CACNA1E: variants seen among roughly 807,000 people sequenced by gnomAD.
The protein encoded by CACNA1E is calcium voltage-gated channel subunit alpha1 E.
A neutral mutation model predicts 259.2 loss-of-function variants in CACNA1E; 40 were observed. That is an observed-to-expected ratio of 0.15 (90% CI 0.12 to 0.20). The LOEUF is 0.20. CACNA1E is among the 10% of genes least tolerant of loss of function. The pLI, the probability that CACNA1E is intolerant of heterozygous loss-of-function variation, is 1.00. For missense variants in CACNA1E, 1,874 were observed against 3,040.1 expected (o/e 0.62, Z 9.02); for synonymous variants, 1,104 against 1,138.5 (o/e 0.97, Z 0.61).
chr1:181,480,635 A>G (rs1009605990), upstream of CACNA1E, among the ~76,000 whole-genome samples: 27 of 152,210 alleles, frequency 1.8e-4, no homozygotes, highest in African/African-American at 6.5e-4. Flanking sequence ...ATGTTCCAAG[A>G]ACTAAGTCTG....
At chr1:181,477,677 G>A (rs1662955633) in intron 2 of CACNA1E, among the ~76,000 whole-genome samples, 1 of 152,110 alleles carries the variant, frequency 6.6e-6, no homozygotes, top group Non-Finnish European at 1.5e-5. Context: ...AACAGAGTGT[G>A]TTCATCCCTG....
intron 3 of CACNA1E, among the ~76,000 whole-genome samples, chr1:181,546,082 C>CA (rs1647433850): frequency 6.6e-6 from 1 of 151,944 alleles, no homozygotes; most frequent in South Asian, 2.1e-4. Flanking sequence ...GAAGCTGCCC[C>CA]GACAGTCTTG....
chr1:181,526,679 G>T (rs1168114838), intron 3 of CACNA1E, among the ~76,000 whole-genome samples: 1 of 152,132 alleles, frequency 6.6e-6, no homozygotes, highest in African/African-American at 2.4e-5. Context: ...GGACAGCCTG[G>T]CAAGATGCAA....
intron 2 of CACNA1E, among the ~76,000 whole-genome samples, chr1:181,428,625 C>A (rs1369548138): frequency 6.6e-6 from 1 of 151,864 alleles, no homozygotes; most frequent in Non-Finnish European, 1.5e-5. Context: ...GCTCTTGGGC[C>A]CCAGTGGTGG....
intron 2 of CACNA1E, among the ~76,000 whole-genome samples, chr1:181,438,940 TGTG>T: frequency 6.6e-6 from 1 of 152,262 alleles, no homozygotes; most frequent in East Asian, 1.9e-4. Context: ...ATAGATAAAG[TGTG>T]GTGGAGCATC....
chr1:181,595,114 T>A (rs999096650), intron 6 of CACNA1E, among the ~76,000 whole-genome samples: 4 of 152,226 alleles, frequency 2.6e-5, no homozygotes, highest in African/African-American at 7.2e-5. Flanking sequence ...CATGACCTTT[T>A]CAAGTGTTTT....
chr1:181,409,997 C>T (rs1335477536), intron 1 of CACNA1E, among the ~76,000 whole-genome samples: 1 of 151,972 alleles, frequency 6.6e-6, no homozygotes, highest in African/African-American at 2.4e-5. Flanking sequence ...CTGGTGAGAG[C>T]TGGGAGGGTG....
chr1:181,318,693 G>A (rs767677531), intron 1 of CACNA1E, among the ~76,000 whole-genome samples: 10 of 152,348 alleles, frequency 6.6e-5, no homozygotes, highest in Admixed American at 1.3e-4. Flanking sequence ...AGCTTGCAGC[G>A]AAGTTTCCGT....
chr1:181,439,719 A>C (rs551926833), intron 2 of CACNA1E, among the ~76,000 whole-genome samples: 6 of 152,336 alleles, frequency 3.9e-5, no homozygotes, highest in African/African-American at 1.4e-4. Context: ...GATACAGTAT[A>C]ATACTAACTT....
Position 181,485,718 on chromosome 1 carries a change from C to T in CACNA1E, c.266+1708C>T, listed in dbSNP as rs1663749496. Among the ~76,000 whole-genome samples, 4 of 152,214 alleles carry T rather than the reference C, an allele frequency of 2.6e-5. No individual in the cohort carries two copies. On this transcript the variant is annotated intron_variant, in intron 1 of 47. Transcript: ENST00000367573. This position sits in a 1 kb window ranked among gnomAD's most constrained non-coding sequence, Gnocchi z 4.2. ...GGCTGCAAATATTCCTCTAGGCAGTCTACGGATTTCCCAGCTGGGCCCTCC... is the reference window on the plus strand; with the variant it reads ...GGCTGCAAATATTCCTCTAGGCAGTTTACGGATTTCCCAGCTGGGCCCTCC...
chr1:181,480,848 C>G (rs1426470046), upstream of CACNA1E, among the ~76,000 whole-genome samples: 1 of 152,118 alleles, frequency 6.6e-6, no homozygotes, highest in African/African-American at 2.4e-5. Flanking sequence ...CCATCTTGTT[C>G]ATTATAGTAT....
chr1:181,594,697 T>G (rs1223417971), intron 6 of CACNA1E, among the ~76,000 whole-genome samples: 1 of 152,222 alleles, frequency 6.6e-6, no homozygotes, highest in Non-Finnish European at 1.5e-5. Context: ...CGCACCTGGC[T>G]GCAAGTTTTG....
In CACNA1E at chr1:181,804,711, T is replaced by C. The variant is rs1662506621; in HGVS notation, c.*5877T>C. On this transcript the variant is annotated 3_prime_UTR_variant, in exon 48 of 48. Coordinates refer to ENST00000367573, the MANE Select transcript of CACNA1E (RefSeq NM_001205293.3). Reference sequence around the variant, plus strand: ...TGTAAAGTGTCTGTTAAGTTAATAATACATAATTTAAAGCACTTAGTCTCC... The same window carrying C: ...TGTAAAGTGTCTGTTAAGTTAATAACACATAATTTAAAGCACTTAGTCTCC... 2 of 152,132 alleles carry C rather than the reference T, an allele frequency of 1.3e-5. No homozygotes were observed. 9.4% of individuals were successfully genotyped at this position (152,132 alleles called of 1,614,324 possible). A position where few individuals can be genotyped will look rare whatever the true frequency, so the allele number is the denominator to read the frequency against.
chr1:181,480,673 T>C (rs1294574659), upstream of CACNA1E, among the ~76,000 whole-genome samples: 2 of 152,168 alleles, frequency 1.3e-5, no homozygotes, highest in Non-Finnish European at 2.9e-5. Flanking sequence ...GAGCCCTGCT[T>C]ATTCTGGGCA....
At chr1:181,693,002 T>G (rs1651329533) in intron 7 of CACNA1E, among the ~76,000 whole-genome samples, 2 of 151,876 alleles carry the variant, frequency 1.3e-5, no homozygotes, top group African/African-American at 4.8e-5. Flanking sequence ...GAAAAGCACT[T>G]TTTAAAAGAT....
In CACNA1E at chr1:181,776,086, C is replaced by G; in HGVS notation, c.5140-15C>G. 6.2e-7 allele frequency: 1 copy of G among 1,609,274 alleles called. No individual in the cohort carries two copies. The highest frequency in any genetic ancestry group is 8.5e-7 in the Non-Finnish European group (1 of 1,177,184). On this transcript the variant is annotated splice_polypyrimidine_tract_variant and intron_variant, in intron 37 of 47. Transcript: ENST00000367573. The surrounding 1 kb of genome is among the most constrained non-coding windows in gnomAD (Gnocchi z 4.4). ...TAGGTTTCCCCTAACCCCTCTTCTTCCCCTTGCCCTTCAGATGCTCAACCT... is the reference window on the plus strand; with the variant it reads ...TAGGTTTCCCCTAACCCCTCTTCTTGCCCTTGCCCTTCAGATGCTCAACCT...
intron 3 of CACNA1E, among the ~76,000 whole-genome samples, chr1:181,542,604 C>T (rs1668676218): frequency 6.6e-6 from 1 of 151,984 alleles, no homozygotes; most frequent in South Asian, 2.1e-4. Flanking sequence ...AGCACTTCTC[C>T]TTCCTGCTGC....
chr1:181,358,010 G>A (rs1653583482), intron 1 of CACNA1E, among the ~76,000 whole-genome samples: 1 of 152,188 alleles, frequency 6.6e-6, no homozygotes, highest in African/African-American at 2.4e-5. Context: ...CGTTCTGTCT[G>A]TCAGAAAGTG....
chr1:181,414,351 A>G (rs1658105947), intron 2 of CACNA1E, among the ~76,000 whole-genome samples: 1 of 152,132 alleles, frequency 6.6e-6, no homozygotes, highest in Non-Finnish European at 1.5e-5. Context: ...GTACAAAGAG[A>G]TTAGTCACAG....
Sources: allele counts gnomAD v4.1 joint callset (sites outside exome capture counted in the v4.1 genomes callset), GRCh38; gene constraint gnomAD v4.1.1; non-coding constraint Gnocchi (gnomAD v3.1); transcripts MANE v1.5; gene names NCBI Gene and HGNC (gene_info 2026-07-23, HGNC 2026-07-21).